Variants in PLXNC1 observed in about 807,000 individuals in gnomAD.
PLXNC1 encodes plexin-C1.
A neutral mutation model predicts 178.2 loss-of-function variants in PLXNC1; 75 were observed. The ratio of observed to expected loss-of-function variants is 0.42; its 90% CI spans 0.35 to 0.51. PLXNC1 has a LOEUF of 0.51. PLXNC1 is among the 20% of genes least tolerant of loss of function. The probability of loss-of-function intolerance (pLI) is 0.02; values close to 1 mark genes in which losing one functional copy is unlikely to be tolerated. For missense variants in PLXNC1, 1,503 were observed against 1,984.4 expected (o/e 0.76, Z 4.61); for synonymous variants, 790 against 779.9 (o/e 1.01, Z -0.22).
At chr12:94,205,955 G>A (rs779991793) in intron 4 of PLXNC1, among the ~76,000 whole-genome samples, 1 of 152,244 alleles carries the variant, frequency 6.6e-6, no homozygotes, top group Non-Finnish European at 1.5e-5. Context: ...CCACTTGGCA[G>A]CTATGTGGCC....
Position 94,149,417 on chromosome 12 carries a change from A to G in PLXNC1, c.446A>G (p.Asn149Ser), listed in dbSNP as rs1275645390. Residue 149 changes from asparagine to serine, a missense_variant, in exon 1 of 31, where the codon AAC becomes AGC. This residue lies in a region of PLXNC1 where 73 missense variants were observed against 125.4 expected (regional missense o/e 0.58). Coordinates refer to ENST00000258526, the MANE Select transcript of PLXNC1 (RefSeq NM_005761.3). ...AACCTGAGCCGCAACTCCCTGCGCA[A>G]CGGCACCGAGGTGGTGTCGTGCCAC... ...LGNLSRNSLRNGTEVVSCHPQ... is the reference protein window; with the variant it reads ...LGNLSRNSLRSGTEVVSCHPQ... 1 of 1,438,538 alleles carries G rather than the reference A, an allele frequency of 7.0e-7. No homozygotes were observed. Among genetic ancestry groups the G allele is most frequent in the South Asian group, 1.5e-5 (1 of 68,280 alleles). 89.1% of individuals were successfully genotyped at this position (1,438,538 alleles called of 1,614,324 possible).
chr12:94,221,039 G>A (rs1001576226), intron 6 of PLXNC1, among the ~76,000 whole-genome samples: 3 of 152,208 alleles, frequency 2.0e-5, no homozygotes, highest in Non-Finnish European at 4.4e-5. Context: ...TGAATCCTGC[G>A]AGCTGTGATG....
chr12:94,260,724 G>T lies in PLXNC1; in HGVS notation c.3334G>T (p.Asp1112Tyr). The T allele has an allele frequency of 6.2e-7, 1 of 1,614,090 alleles. No homozygotes were observed. Among genetic ancestry groups the T allele is most frequent in the Non-Finnish European group, 8.5e-7 (1 of 1,179,974 alleles). The change falls in exon 20 of 31, where the codon GAC becomes TAC. Residue 1112 changes from aspartate (D) to tyrosine (Y), a missense_variant. By Grantham distance (160) the Asp-to-Tyr change is radical. Transcript: ENST00000258526. This position sits in a 1 kb window ranked among gnomAD's most constrained non-coding sequence, Gnocchi z 4.4. ...CAGCATCCTAGAGGTGCTGACCAGG[G>T]ACTTGATGGAACAGTGTAGTAACAT... ...LTSILEVLTRDLMEQCSNMQP... is the reference protein window; with the variant it reads ...LTSILEVLTRYLMEQCSNMQP...
Position 94,261,984 on chromosome 12 carries a change from T to C in PLXNC1, c.3450+1144T>C, listed in dbSNP as rs182742946. On this transcript the variant is annotated intron_variant, in intron 20 of 30. Coordinates refer to ENST00000258526, the MANE Select transcript of PLXNC1 (RefSeq NM_005761.3). ...TACTTGGTATAAATCATCGGAGGCT[T>C]TGGGGAGATGTTGAGCCAGTTATTT... Among the ~76,000 whole-genome samples the C allele has an allele frequency of 2.9e-3, 446 of 152,302 alleles. 5 individuals are homozygous for C. Among genetic ancestry groups the C allele is most frequent in the African/African-American group, 0.01 (429 of 41,566 alleles).
chr12:94,261,054 C>T (rs971716903), intron 20 of PLXNC1, among the ~76,000 whole-genome samples: 1 of 152,192 alleles, frequency 6.6e-6, no homozygotes, highest in Admixed American at 6.5e-5. Context: ...TTTAGAATTT[C>T]GTCAGGTGAG....
intron 1 of PLXNC1, among the ~76,000 whole-genome samples, chr12:94,162,022 G>A (rs925051737): frequency 3.9e-5 from 6 of 152,314 alleles, no homozygotes; most frequent in Non-Finnish European, 5.9e-5. Context: ...CATTCGAAGT[G>A]TAGAATACAA....
rs1002219386 is a variant in PLXNC1 at position 94,279,520 on chromosome 12, G to A, written c.3646G>A (p.Val1216Ile). Residue 1216 changes from valine (V) to isoleucine (I), a missense_variant, in exon 22 of 31, where the codon GTC becomes ATC. Val to Ile is a conservative substitution (Grantham distance 29). This residue lies in a region of PLXNC1 where 639 missense variants were observed against 979.7 expected (regional missense o/e 0.65). Transcript: ENST00000258526. ...AATCCCGGAAAACGAGAGTGCAGAT[G>A]TCTGTCGGAATATTTCAGTCAATGT... is the stretch of plus-strand genomic sequence containing the variant. ...EKIPENESAD[V>I]CRNISVNVLD... 19 of 1,614,086 alleles carry A rather than the reference G, an allele frequency of 1.2e-5. No homozygotes were observed. Among genetic ancestry groups the A allele is most frequent in the Admixed American group, 1.7e-5 (1 of 60,010 alleles).
intron 20 of PLXNC1, among the ~76,000 whole-genome samples, chr12:94,263,727 C>T (rs938897339): frequency 6.6e-6 from 1 of 152,090 alleles, no homozygotes; most frequent in African/African-American, 2.4e-5. Context: ...GTCCTGCTGC[C>T]CTCCCTACCT....
intron 6 of PLXNC1, among the ~76,000 whole-genome samples, chr12:94,223,593 A>G (rs1193956825): frequency 2.0e-5 from 3 of 152,224 alleles, no homozygotes; most frequent in Non-Finnish European, 4.4e-5. Context: ...GTTTAAAGAG[A>G]TACAGGAAAT....
At chr12:94,295,827 C>T (rs953908914) in intron 24 of PLXNC1, among the ~76,000 whole-genome samples, 1 of 152,144 alleles carries the variant, frequency 6.6e-6, no homozygotes, top group Non-Finnish European at 1.5e-5. Context: ...TCTGTGTTGT[C>T]CATAATGTCT....
At position 94,299,253 on chromosome 12, in the gene PLXNC1, TTG is replaced by T. The variant is rs1004072446; in HGVS notation, c.4238+462_4238+463del. Among the ~76,000 whole-genome samples the T allele has an allele frequency of 1.2e-4, 18 of 152,268 alleles. No individual in the cohort carries two copies. The South Asian group carries it at 2.1e-3, about 18-fold the overall frequency. On this transcript the variant is annotated intron_variant, in intron 27 of 30. Coordinates refer to ENST00000258526, the MANE Select transcript of PLXNC1 (RefSeq NM_005761.3). The stretch of plus-strand genomic sequence containing the variant: ...GATACTATGAGAATTAGCCAAAAGT[TTG>T]TGTTTTGTTTTATATTTTAATATTT...
At chr12:94,237,539 C>T in intron 9 of PLXNC1, 125 bp from the exon 10 acceptor site, 3 of 724,614 alleles carry the variant, frequency 4.1e-6, no homozygotes, top group South Asian at 3.7e-5. Context: ...ACACTGTCTG[C>T]TTGTGTTCGC....
chr12:94,177,918 C>G (rs1290772763), intron 2 of PLXNC1, among the ~76,000 whole-genome samples: 1 of 152,234 alleles, frequency 6.6e-6, no homozygotes, highest in Non-Finnish European at 1.5e-5. Context: ...ATGCATCTCT[C>G]AAAACCTACA....
At chr12:94,177,055 G>A (rs759479038) in intron 2 of PLXNC1, among the ~76,000 whole-genome samples, 5 of 49,568 alleles carry the variant, frequency 1.0e-4, no homozygotes, top group East Asian at 7.5e-4. Context: ...TCATATATAT[G>A]TGTGTGTGTG....
intron 21 of PLXNC1, chr12:94,277,025 A>C (rs143243093): frequency 6.6e-6 from 1 of 151,746 alleles, no homozygotes; most frequent in Non-Finnish European, 1.5e-5. Flanking sequence ...CAGGATTATA[A>C]GGGCAAGATT....
chr12:94,257,441 G>C (rs1427409365), intron 17 of PLXNC1, among the ~76,000 whole-genome samples: 1 of 152,186 alleles, frequency 6.6e-6, no homozygotes, highest in African/African-American at 2.4e-5. Flanking sequence ...CTGAAGAAAA[G>C]GGAAATTTGA....
chr12:94,149,421 C>A lies in PLXNC1; in HGVS notation c.450C>A (p.Gly150=). 1 of 1,450,804 alleles carries A rather than the reference C, an allele frequency of 6.9e-7. No homozygotes were observed. Among genetic ancestry groups the A allele is most frequent in the Non-Finnish European group, 9.0e-7 (1 of 1,111,360 alleles). 89.9% of individuals were successfully genotyped at this position (1,450,804 alleles called of 1,614,324 possible). ...GNLSRNSLRN[G]TEVVSCHPQG... is the part of the protein sequence containing the mutation. Reference sequence around the variant, plus strand: ...TGAGCCGCAACTCCCTGCGCAACGGCACCGAGGTGGTGTCGTGCCACCCGC... The same window carrying A: ...TGAGCCGCAACTCCCTGCGCAACGGAACCGAGGTGGTGTCGTGCCACCCGC... The change falls in exon 1 of 31, where the codon GGC becomes GGA. Residue 150 remains glycine (G), a synonymous_variant. Coordinates refer to ENST00000258526, the MANE Select transcript of PLXNC1 (RefSeq NM_005761.3).
intron 1 of PLXNC1, among the ~76,000 whole-genome samples, chr12:94,156,389 C>G (rs1167623715): frequency 6.6e-6 from 1 of 152,180 alleles, no homozygotes; most frequent in Non-Finnish European, 1.5e-5. Flanking sequence ...GCACCATCCT[C>G]CTACCAAATA....
chr12:94,283,203 G>T (rs1966578245), intron 23 of PLXNC1, among the ~76,000 whole-genome samples: 1 of 152,210 alleles, frequency 6.6e-6, no homozygotes, highest in South Asian at 2.1e-4. Context: ...GTGTAGTAGT[G>T]CTGTGTGGCT....
Sources: allele counts gnomAD v4.1 joint callset (sites outside exome capture counted in the v4.1 genomes callset), GRCh38; gene constraint gnomAD v4.1.1; regional missense constraint gnomAD v4.1.1; non-coding constraint Gnocchi (gnomAD v3.1); transcripts MANE v1.5; gene names NCBI Gene and HGNC (gene_info 2026-07-23, HGNC 2026-07-21).